Variants in PTPRD observed in about 807,000 individuals in gnomAD.
The protein encoded by PTPRD is protein tyrosine phosphatase receptor type D, also known as receptor-type tyrosine-protein phosphatase delta.
In PTPRD, 34 loss-of-function variants were observed where a neutral mutation model predicts 214.5. The observed-to-expected ratio is 0.16, with a 90% CI of 0.12 to 0.21. The LOEUF is 0.21. Among genes scored for constraint, PTPRD ranks in the 10% least tolerant of loss-of-function variants. The pLI is 1.00. For synonymous variants in PTPRD, 1,128 were observed against 845.7 expected (o/e 1.33, Z -5.79); for missense variants, 2,545 against 2,398.7 (o/e 1.06, Z -1.27).
intron 37 of PTPRD, among the ~76,000 whole-genome samples, chr9:8,383,258 G>C (rs777883001): frequency 5.3e-5 from 8 of 152,076 alleles, no homozygotes; most frequent in Non-Finnish European, 1.2e-4. Context: ...CCTTCACTTT[G>C]TGCTAGGGTA....
intron 4 of PTPRD, among the ~76,000 whole-genome samples, chr9:9,976,239 C>T (rs914513624): frequency 3.4e-4 from 52 of 152,012 alleles, no homozygotes; most frequent in African/African-American, 1.2e-3. Flanking sequence ...GGTCCCCCTC[C>T]CAGTTTACAA....
chr9:8,689,469 G>C (rs545719331), intron 12 of PTPRD, among the ~76,000 whole-genome samples: 13 of 150,066 alleles, frequency 8.7e-5, no homozygotes, highest in African/African-American at 3.3e-4. Flanking sequence ...GAAGGCCTCA[G>C]AATCATGGTA....
chr9:10,485,911 G>T (rs1008763769), intron 2 of PTPRD, among the ~76,000 whole-genome samples: 2 of 151,934 alleles, frequency 1.3e-5, no homozygotes, highest in African/African-American at 4.8e-5. Context: ...GAATTTCTGT[G>T]GTATCAGTTG....
At chr9:10,435,717 A>T (rs2098712702) in intron 2 of PTPRD, among the ~76,000 whole-genome samples, 1 of 151,930 alleles carries the variant, frequency 6.6e-6, no homozygotes, top group Non-Finnish European at 1.5e-5. Context: ...TGCATAAAAT[A>T]TGTTTTATTA....
At chr9:9,077,954 C>G (rs2099753613) in intron 10 of PTPRD, among the ~76,000 whole-genome samples, 1 of 151,928 alleles carries the variant, frequency 6.6e-6, no homozygotes, top group Admixed American at 6.6e-5. Flanking sequence ...TGACCATAGC[C>G]TAGAAATAAG....
chr9:8,376,194 T>C, intron 38 of PTPRD, 104 bp from the exon 39 acceptor site: 1 of 1,317,046 alleles, frequency 7.6e-7, no homozygotes, highest in Non-Finnish European at 1.0e-6. Flanking sequence ...TTTAATTCCT[T>C]TCTACCACCC....
intron 3 of PTPRD, among the ~76,000 whole-genome samples, chr9:10,246,756 C>T (rs1421680428): frequency 1.3e-5 from 2 of 151,418 alleles, no homozygotes; most frequent in Non-Finnish European, 2.9e-5. Flanking sequence ...GCTTATGTAT[C>T]TAGTAGTTGC....
intron 7 of PTPRD, among the ~76,000 whole-genome samples, chr9:9,697,906 T>C (rs535699020): frequency 1.3e-5 from 2 of 152,314 alleles, no homozygotes; most frequent in Non-Finnish European, 2.9e-5. Context: ...ACTGATTCTT[T>C]CCTCTACTTG....
At chr9:9,004,180 A>G (rs940274577) in intron 11 of PTPRD, among the ~76,000 whole-genome samples, 4 of 152,030 alleles carry the variant, frequency 2.6e-5, no homozygotes, top group African/African-American at 4.8e-5. Flanking sequence ...GTATGTTTTG[A>G]TATTCAGTAT....
Position 8,528,710 on chromosome 9 carries a change from C to A in PTPRD, c.422G>T (p.Arg141Leu), listed in dbSNP as rs768826930. The change falls in exon 15 of 46, where the codon CGC becomes CTC. Residue 141 changes from arginine to leucine, a missense_variant. Arg to Leu is a moderately radical substitution (Grantham distance 102, BLOSUM62 -2). Coordinates refer to ENST00000381196, the MANE Select transcript of PTPRD (RefSeq NM_002839.4). ...GPQLKVVERT[R>L]TATMLCAASG... is the part of the protein sequence containing the mutation. ...GGCTGCACAAAGCATGGTGGCCGTG[C>A]GAGTACGCTCAACCACCTTCAACTG... 1.2e-6 allele frequency: 2 copies of A among 1,613,568 alleles called. No individual in the cohort carries two copies. Among genetic ancestry groups the A allele is most frequent in the Non-Finnish European group, 8.5e-7 (1 of 1,179,692 alleles).
intron 2 of PTPRD, among the ~76,000 whole-genome samples, chr9:10,533,405 T>C (rs1157829017): frequency 6.6e-6 from 1 of 152,168 alleles, no homozygotes; most frequent in African/African-American, 2.4e-5. Context: ...ATATTGTGTC[T>C]TATTTGTAGA....
intron 7 of PTPRD, among the ~76,000 whole-genome samples, chr9:9,676,453 A>G (rs1226443607): frequency 1.3e-5 from 2 of 152,014 alleles, no homozygotes; most frequent in Non-Finnish European, 2.9e-5. Flanking sequence ...AAAGGACATG[A>G]ACTCATCATT....
intron 7 of PTPRD, among the ~76,000 whole-genome samples, chr9:9,704,957 T>C (rs545322441): frequency 6.6e-6 from 1 of 152,272 alleles, no homozygotes; most frequent in South Asian, 2.1e-4. Flanking sequence ...AAAAGTAAAA[T>C]GACTGTTTTA....
intron 6 of PTPRD, among the ~76,000 whole-genome samples, chr9:9,740,885 G>T (rs1412637175): frequency 6.6e-6 from 1 of 152,110 alleles, no homozygotes; most frequent in Admixed American, 6.5e-5. Context: ...TCTAAACAGA[G>T]AAAATACCAT....
intron 2 of PTPRD, among the ~76,000 whole-genome samples, chr9:10,475,612 G>A (rs188809408): frequency 9.0e-4 from 137 of 152,080 alleles, no homozygotes; most frequent in African/African-American, 2.9e-3. Context: ...GAAAAAAAGG[G>A]ACTCCTCCTC....
At chr9:9,522,157 CAAAA>C (rs770450649) in intron 8 of PTPRD, among the ~76,000 whole-genome samples, 12 of 40,448 alleles carry the variant, frequency 3.0e-4, no homozygotes, top group Admixed American at 9.6e-4. Context: ...ATCTCCATCT[CAAAA>C]AAAAAAAAAA....
At chr9:9,111,613 T>G (rs548681525) in intron 10 of PTPRD, among the ~76,000 whole-genome samples, 1 of 152,276 alleles carries the variant, frequency 6.6e-6, no homozygotes, top group South Asian at 2.1e-4. Context: ...AAAAGTGACC[T>G]GGATAGAAGA....
At chr9:8,847,669 TATTA>T (rs1396499809) in intron 11 of PTPRD, among the ~76,000 whole-genome samples, 2 of 152,220 alleles carry the variant, frequency 1.3e-5, no homozygotes, top group Admixed American at 1.3e-4. Context: ...TCCTGTATTT[TATTA>T]TTTATAAAAT....
chr9:10,026,256 C>A (rs1269188253), intron 4 of PTPRD, among the ~76,000 whole-genome samples: 1 of 152,106 alleles, frequency 6.6e-6, no homozygotes, highest in Non-Finnish European at 1.5e-5. Flanking sequence ...AGAAATAGTA[C>A]AAAGATTGAA....
Sources: allele counts gnomAD v4.1 joint callset (sites outside exome capture counted in the v4.1 genomes callset), GRCh38; gene constraint gnomAD v4.1.1; transcripts MANE v1.5; gene names NCBI Gene and HGNC (gene_info 2026-07-23, HGNC 2026-07-21).